Variants in KCNH1 observed in about 807,000 individuals in gnomAD.
KCNH1 encodes potassium voltage-gated channel subfamily H member 1, also known as voltage-gated delayed rectifier potassium channel KCNH1.
A neutral mutation model predicts 69.2 loss-of-function variants in KCNH1; 27 were observed. That is an observed-to-expected ratio of 0.39 (90% CI 0.29 to 0.54). The LOEUF is 0.54. Ranked by LOEUF, KCNH1 falls within the 20% of genes least tolerant of loss-of-function variation. The pLI is 0.68. For missense variants in KCNH1, 798 were observed against 1,261.6 expected, an observed-to-expected ratio of 0.63 and a Z score of 5.57; for synonymous variants, 456 against 487.7, an observed-to-expected ratio of 0.93 and a Z score of 0.86.
At chr1:210,716,268 C>G (rs1193277637) in intron 10 of KCNH1, among the ~76,000 whole-genome samples, 2 of 151,760 alleles carry the variant, frequency 1.3e-5, no homozygotes, top group African/African-American at 4.8e-5. Flanking sequence ...CCCATCTCTA[C>G]TAAAAATACA....
chr1:210,684,276 A>C, intron 10 of KCNH1, 138 bp from the exon 11 acceptor site: 1 of 838,432 alleles, frequency 1.2e-6, no homozygotes, highest in South Asian at 3.4e-5. Flanking sequence ...CACAGCCTAC[A>C]AGGCCTCATG....
At chr1:210,885,428 C>G (rs990021888) in intron 7 of KCNH1, among the ~76,000 whole-genome samples, 1 of 152,198 alleles carries the variant, frequency 6.6e-6, no homozygotes, top group Non-Finnish European at 1.5e-5. Flanking sequence ...CCAAGAGATT[C>G]CCTCAGGTGC....
rs138294727 is a variant in KCNH1 at position 210,754,846 on chromosome 1, A to G, written c.2112+20502T>C. On this transcript the variant is annotated intron_variant, in intron 10 of 10. Transcript: ENST00000271751. ...GCCTGATACACAAGTACACACGGGC[A>G]CACACACACACACACACACACACAC... Among the ~76,000 whole-genome samples, 3 of 8,318 alleles carry G rather than the reference A, an allele frequency of 3.6e-4. No individual in the cohort carries two copies. The Admixed American group carries it at 4.1e-3, about 11-fold the overall frequency. 5.5% of individuals were successfully genotyped at this position (8,318 alleles called of 152,430 possible).
In KCNH1 at chr1:210,840,813, G is replaced by A. The variant is rs17016987; in HGVS notation, c.1463-36647C>T. 3.1e-3 allele frequency among the ~76,000 whole-genome samples: 478 copies of A among 152,242 alleles called. 3 individuals are homozygous for A. The highest frequency in any genetic ancestry group is 0.011 in the African/African-American group (451 of 41,536). ...AAGCTACCATTGCTTCCCTGCTACCGTTAAAATAACAAAACTCAAACAAAT... is the reference window on the plus strand; with the variant it reads ...AAGCTACCATTGCTTCCCTGCTACCATTAAAATAACAAAACTCAAACAAAT... On this transcript the variant is annotated intron_variant, in intron 7 of 10. Coordinates refer to ENST00000271751, the MANE Select transcript of KCNH1 (RefSeq NM_172362.3).
intron 7 of KCNH1, among the ~76,000 whole-genome samples, chr1:210,847,696 G>A (rs892268814): frequency 3.3e-5 from 5 of 151,486 alleles, no homozygotes; most frequent in Admixed American, 2.6e-4. Flanking sequence ...AAAGCTGCAC[G>A]TTGTGCACAT....
At chr1:211,050,207 C>T (rs1187041295) in intron 5 of KCNH1, among the ~76,000 whole-genome samples, 6 of 132,402 alleles carry the variant, frequency 4.5e-5, no homozygotes, top group African/African-American at 5.8e-5. Context: ...TGTTTAGAAA[C>T]GACTTGGGTT....
chr1:210,714,707 G>A (rs1045386133), intron 10 of KCNH1, among the ~76,000 whole-genome samples: 4 of 152,132 alleles, frequency 2.6e-5, no homozygotes, highest in African/African-American at 7.2e-5. Context: ...TACCATCCCT[G>A]CCTTCAAAGG....
intron 5 of KCNH1, among the ~76,000 whole-genome samples, chr1:211,033,878 A>T (rs1689844048): frequency 6.6e-6 from 1 of 152,060 alleles, no homozygotes; most frequent in Non-Finnish European, 1.5e-5. Flanking sequence ...ACAAACCTGC[A>T]CGTTGTGCAT....
intron 7 of KCNH1, among the ~76,000 whole-genome samples, chr1:210,852,946 T>C (rs541769148): frequency 3.3e-5 from 5 of 152,180 alleles, no homozygotes; most frequent in Non-Finnish European, 7.3e-5. Flanking sequence ...TGGTATGTCC[T>C]CTTTTGGGGC....
chr1:210,883,823 T>C (rs1686545817), intron 7 of KCNH1, among the ~76,000 whole-genome samples: 1 of 152,216 alleles, frequency 6.6e-6, no homozygotes, highest in African/African-American at 2.4e-5. Flanking sequence ...AGAATATCCA[T>C]AGACTCAGAA....
chr1:210,829,129 T>C (rs1238889230), intron 7 of KCNH1, among the ~76,000 whole-genome samples: 4 of 152,192 alleles, frequency 2.6e-5, no homozygotes, highest in Admixed American at 2.0e-4. Flanking sequence ...CTCCAAGTGA[T>C]CTGATTCAAC....
At chr1:210,718,283 A>ATATGTAT (rs1558437838) in intron 10 of KCNH1, among the ~76,000 whole-genome samples, 6 of 91,258 alleles carry the variant, frequency 6.6e-5, no homozygotes, top group Admixed American at 2.3e-4. Context: ...TGCATATAAA[A>ATATGTAT]ATATGTGTAT....
intron 6 of KCNH1, among the ~76,000 whole-genome samples, chr1:210,974,659 G>A (rs968897602): frequency 6.7e-6 from 1 of 149,612 alleles, no homozygotes; most frequent in South Asian, 2.1e-4. Context: ...CACCTCCCAG[G>A]TTCAAGTCAT....
chr1:210,818,815 A>G (rs1409149261), intron 7 of KCNH1, among the ~76,000 whole-genome samples: 1 of 152,218 alleles, frequency 6.6e-6, no homozygotes, highest in Non-Finnish European at 1.5e-5. Flanking sequence ...TATTGTTCTC[A>G]ACTAGGGGAA....
chr1:211,054,139 G>A (rs186656042), intron 5 of KCNH1, among the ~76,000 whole-genome samples: 4 of 151,924 alleles, frequency 2.6e-5, no homozygotes, highest in African/African-American at 7.2e-5. Context: ...AAAATTAGCT[G>A]GGCGTGGTGG....
rs142229190 is a variant in KCNH1, at chr1:210,997,296, C to T, written c.1032+21487G>A. 5.1e-3 allele frequency among the ~76,000 whole-genome samples: 779 copies of T among 152,206 alleles called. 10 individuals carry two copies. Among genetic ancestry groups the T allele is most frequent in the African/African-American group, 0.018 (740 of 41,518 alleles). On this transcript the variant is annotated intron_variant, in intron 6 of 10. Coordinates refer to ENST00000271751, the MANE Select transcript of KCNH1 (RefSeq NM_172362.3). Reference sequence around the variant, plus strand: ...TTAGACGAATGGAAAACTAGAATAACCAACGCAGAGAAGTCCTTAAAGGAG... The same window carrying T: ...TTAGACGAATGGAAAACTAGAATAATCAACGCAGAGAAGTCCTTAAAGGAG...
At chr1:210,746,791 C>T (rs1683171681) in intron 10 of KCNH1, among the ~76,000 whole-genome samples, 1 of 152,244 alleles carries the variant, frequency 6.6e-6, no homozygotes. Context: ...AAGTGATCCA[C>T]CCGCCTCAGC....
chr1:210,733,908 G>A (rs1042190135), intron 10 of KCNH1, among the ~76,000 whole-genome samples: 1 of 151,176 alleles, frequency 6.6e-6, no homozygotes, highest in South Asian at 2.1e-4. Flanking sequence ...TCTCCAATAA[G>A]TTAATGCCTG....
At chr1:211,020,808 T>G (rs933340609) in intron 5 of KCNH1, among the ~76,000 whole-genome samples, 1 of 152,024 alleles carries the variant, frequency 6.6e-6, no homozygotes, top group Non-Finnish European at 1.5e-5. Flanking sequence ...CAACTGGAAT[T>G]TATCCAGAGA....
Sources: gnomAD v4.1 joint callset for allele counts (sites outside exome capture counted in the v4.1 genomes callset) on GRCh38, gnomAD v4.1.1 for gene constraint, MANE v1.5 for transcripts, NCBI Gene and HGNC (gene_info 2026-07-23, HGNC 2026-07-21) for gene names.